RSRC1: variants seen among roughly 807,000 people sequenced by gnomAD.
RSRC1 encodes the protein arginine and serine rich coiled-coil 1.
Under a neutral mutation model 49.1 loss-of-function variants are expected in RSRC1, and 39 were observed. The observed-to-expected ratio is 0.79, with a 90% CI of 0.61 to 1.04. The LOEUF is 1.04. Among genes scored for constraint, RSRC1 ranks in the 50% least tolerant of loss-of-function variants. The pLI, the probability that RSRC1 is intolerant of heterozygous loss-of-function variation, is 0.00. For missense variants in RSRC1, 388 were observed against 402.4 expected, an observed-to-expected ratio of 0.96 and a Z score of 0.31; for synonymous variants, 143 against 130.8, an observed-to-expected ratio of 1.09 and a Z score of -0.63.
At chr3:158,237,920 T>C (rs944993967) in intron 4 of RSRC1, among the ~76,000 whole-genome samples, 1 of 152,228 alleles carries the variant, frequency 6.6e-6, no homozygotes, top group African/African-American at 2.4e-5. Flanking sequence ...TCATTCAGTA[T>C]GATATTGGCT....
rs76673599 is a variant in RSRC1, at chr3:158,172,591, G to A, written c.321-30481G>A. Among the ~76,000 whole-genome samples the A allele has an allele frequency of 8.7e-3, 1,326 of 152,206 alleles. 25 individuals carry two copies. The highest frequency in any genetic ancestry group is 0.03 in the African/African-American group (1,245 of 41,548). ...ACAATTGATTTAGTTGACCCTTCTA[G>A]GTTAAAAAGGTTAGCTAGCGTGTGT... is the stretch of plus-strand genomic sequence containing the variant. On this transcript the variant is annotated intron_variant, in intron 3 of 9. Transcript: ENST00000611884.
At chr3:158,481,144 A>G (rs542822687) in intron 7 of RSRC1, among the ~76,000 whole-genome samples, 66 of 152,150 alleles carry the variant, frequency 4.3e-4, no homozygotes, top group African/African-American at 1.5e-3. Flanking sequence ...TTATATTGTC[A>G]TGTGACTCAG....
intron 7 of RSRC1, among the ~76,000 whole-genome samples, chr3:158,482,602 C>T (rs985394237): frequency 1.3e-5 from 2 of 151,970 alleles, no homozygotes; most frequent in Admixed American, 1.3e-4. Context: ...TTTGTAATCT[C>T]ACTGCTCTTT....
intron 1 of RSRC1, among the ~76,000 whole-genome samples, chr3:158,111,936 T>C (rs1303611910): frequency 6.6e-6 from 1 of 152,250 alleles, no homozygotes; most frequent in Non-Finnish European, 1.5e-5. Context: ...ATGTTGGCTT[T>C]ACCTCTTCAA....
At chr3:158,124,881 C>T (rs1715517973) in intron 3 of RSRC1, among the ~76,000 whole-genome samples, 1 of 146,712 alleles carries the variant, frequency 6.8e-6, no homozygotes, top group African/African-American at 2.5e-5. Context: ...TGTATTGGTG[C>T]AGTCAGCTCA....
intron 4 of RSRC1, among the ~76,000 whole-genome samples, chr3:158,267,858 C>CTTTTTTTTTTTTTTTTTTTTTTTTTTTTT (rs377128391): frequency 2.2e-5 from 2 of 91,256 alleles, no homozygotes; most frequent in African/African-American, 4.0e-5. Flanking sequence ...GTTTCCATAT[C>CTTTTTTTTTTTTTTTTTTTTTTTTTTTTT]TATTTTTTTT....
rs74714105 is a variant in RSRC1 at position 158,383,974 on chromosome 3, T to C, written c.583+29066T>C. ...ATATTTTATAATTGAGAAGCATTAATTGTTTTTAAGCAAAACAGGTCATAA... is the reference window on the plus strand; with the variant it reads ...ATATTTTATAATTGAGAAGCATTAACTGTTTTTAAGCAAAACAGGTCATAA... On this transcript the variant is annotated intron_variant, in intron 6 of 9. Coordinates refer to ENST00000611884, the MANE Select transcript of RSRC1 (RefSeq NM_001271838.2). Among the ~76,000 whole-genome samples the C allele has an allele frequency of 1.8e-4, 28 of 152,296 alleles. No homozygotes were observed. In the East Asian group the frequency reaches 3.1e-3, roughly 17 times the overall value.
chr3:158,259,246 G>A (rs1724749394), intron 4 of RSRC1, among the ~76,000 whole-genome samples: 1 of 152,154 alleles, frequency 6.6e-6, no homozygotes, highest in African/African-American at 2.4e-5. Context: ...GGACTTGGGT[G>A]TTGCACTCTA....
chr3:158,259,271 G>A (rs532845962), intron 4 of RSRC1, among the ~76,000 whole-genome samples: 3 of 152,238 alleles, frequency 2.0e-5, no homozygotes, highest in African/African-American at 7.2e-5. Flanking sequence ...TTTGGTCATG[G>A]CATCTATATC....
At chr3:158,509,926 T>TCTC (rs1740064024) in intron 7 of RSRC1, among the ~76,000 whole-genome samples, 1 of 152,164 alleles carries the variant, frequency 6.6e-6, no homozygotes, top group South Asian at 2.1e-4. Flanking sequence ...TGCAAGTATT[T>TCTC]CTCCAGGTTG....
chr3:158,518,831 G>T (rs542674726), intron 7 of RSRC1, among the ~76,000 whole-genome samples: 2 of 152,170 alleles, frequency 1.3e-5, no homozygotes, highest in East Asian at 3.9e-4. Flanking sequence ...TTCTACCAGC[G>T]TGACCATTCT....
intron 6 of RSRC1, among the ~76,000 whole-genome samples, chr3:158,454,349 C>G (rs541294322): frequency 6.6e-6 from 1 of 152,002 alleles, no homozygotes; most frequent in Non-Finnish European, 1.5e-5. Context: ...TTTGAGAATT[C>G]AGTGAAATAT....
At position 158,228,887 on chromosome 3, in the gene RSRC1, A is replaced by ATATGTGTATATAAACACATACGTGTAT. The variant is rs149320397; in HGVS notation, c.494+25642_494+25643insTATGTGTATATAAACACATACGTGTAT. On this transcript the variant is annotated intron_variant, in intron 4 of 9. Transcript: ENST00000611884. ...TATATGTATATAAACACATACGTGTAATGTGTATATAAACACACATACGTG... is the reference window on the plus strand; with the variant it reads ...TATATGTATATAAACACATACGTGTATATGTGTATATAAACACATACGTGTATATGTGTATATAAACACACATACGTG... 1.2e-3 allele frequency among the ~76,000 whole-genome samples: 2 copies of ATATGTGTATATAAACACATACGTGTAT among 1,630 alleles called. 1 individual carries two copies. The highest frequency in any genetic ancestry group is 2.4e-3 in the Non-Finnish European group (2 of 848). 1.1% of individuals were successfully genotyped at this position (1,630 alleles called of 152,430 possible). A position where few individuals can be genotyped will look rare whatever the true frequency, so the allele number is the denominator to read the frequency against.
At chr3:158,145,774 T>C (rs561717897) in intron 3 of RSRC1, among the ~76,000 whole-genome samples, 10 of 152,366 alleles carry the variant, frequency 6.6e-5, no homozygotes, top group Non-Finnish European at 1.3e-4. Flanking sequence ...ACATGGAATG[T>C]TCTTCCATTT....
At chr3:158,491,528 A>AG (rs1426613324) in intron 7 of RSRC1, among the ~76,000 whole-genome samples, 1 of 152,188 alleles carries the variant, frequency 6.6e-6, no homozygotes, top group Non-Finnish European at 1.5e-5. Context: ...AAGAATGTTA[A>AG]GGCTTTCGGT....
intron 3 of RSRC1, among the ~76,000 whole-genome samples, chr3:158,193,768 G>A (rs1344789760): frequency 1.3e-5 from 2 of 152,030 alleles, no homozygotes; most frequent in South Asian, 2.1e-4. Flanking sequence ...CATCTGTGGG[G>A]ACAGTAAGTT....
intron 6 of RSRC1, among the ~76,000 whole-genome samples, chr3:158,377,971 T>C (rs990349912): frequency 6.6e-6 from 1 of 152,160 alleles, no homozygotes; most frequent in Non-Finnish European, 1.5e-5. Flanking sequence ...CCAGTATTCC[T>C]TTATAGCAAG....
At chr3:158,518,122 G>A (rs867787871) in intron 7 of RSRC1, among the ~76,000 whole-genome samples, 6,320 of 61,342 alleles carry the variant, frequency 0.1, 497 homozygotes, top group African/African-American at 0.21. Flanking sequence ...GTGTGTGTGT[G>A]TGTGTATATA....
chr3:158,534,240 G>A (rs778447045), intron 7 of RSRC1, among the ~76,000 whole-genome samples: 2 of 151,568 alleles, frequency 1.3e-5, no homozygotes, highest in Non-Finnish European at 3.0e-5. Context: ...AATTGTGATT[G>A]GTCAAAAATT....
Sources: gnomAD v4.1 joint callset for allele counts (sites outside exome capture counted in the v4.1 genomes callset) on GRCh38, gnomAD v4.1.1 for gene constraint, MANE v1.5 for transcripts, NCBI Gene and HGNC (gene_info 2026-07-23, HGNC 2026-07-21) for gene names.